CDKL5: variants seen among roughly 807,000 people sequenced by gnomAD.
The protein encoded by CDKL5 is cyclin-dependent kinase-like 5.
CDKL5 carries 8 observed loss-of-function variants against 61.7 expected under a neutral mutation model. The observed-to-expected ratio is 0.13, with a 90% confidence interval of 0.08 to 0.23. CDKL5 has a LOEUF of 0.23. CDKL5 is among the 10% of genes least tolerant of loss of function. The pLI, the probability that CDKL5 is intolerant of heterozygous loss-of-function variation, is 1.00. For synonymous variants in CDKL5, 275 were observed against 272.3 expected, an observed-to-expected ratio of 1.01 and a Z score of -0.10; for missense variants, 440 against 734.5, an observed-to-expected ratio of 0.60 and a Z score of 4.63.
At chrX:18,489,361 A>G (rs889162958) in intron 1 of CDKL5, among the ~76,000 whole-genome samples, 1 of 110,117 alleles carries the variant, frequency 9.1e-6, no homozygotes, top group Non-Finnish European at 1.9e-5. Flanking sequence ...GGGTTTCTCC[A>G]TGTTGGCCAC....
intron 8 of CDKL5, 56 bp downstream of exon 8, chrX:18,584,409 A>G (rs769293256): frequency 3.3e-5 from 26 of 788,160 alleles, no homozygotes; most frequent in Non-Finnish European, 3.1e-5. Context: ...TTCTATTGTC[A>G]TTTGCTTTGA....
intron 1 of CDKL5, among the ~76,000 whole-genome samples, chrX:18,444,878 T>TAACCACAAACGTGTG (rs1158256057): frequency 9.0e-6 from 1 of 111,339 alleles, no homozygotes; most frequent in Non-Finnish European, 1.9e-5. Flanking sequence ...ATTTAACGAT[T>TAACCACAAACGTGTG]GTTTGCCTAT....
intron 9 of CDKL5, among the ~76,000 whole-genome samples, chrX:18,593,066 C>A (rs1489041222): frequency 8.9e-6 from 1 of 111,812 alleles, no homozygotes; most frequent in Non-Finnish European, 1.9e-5. Flanking sequence ...CAAAAGACTG[C>A]CTGATTGGAT....
At chrX:18,427,607 A>C (rs1931395300) in intron 1 of CDKL5, among the ~76,000 whole-genome samples, 1 of 111,545 alleles carries the variant, frequency 9.0e-6, no homozygotes, top group Non-Finnish European at 1.9e-5. Context: ...TAACATAGTC[A>C]ATGCAGCGAT....
chrX:18,489,583 TCCA>T (rs1921917260), intron 1 of CDKL5, among the ~76,000 whole-genome samples: 1 of 111,269 alleles, frequency 9.0e-6, no homozygotes, highest in Non-Finnish European at 1.9e-5. Flanking sequence ...TTCTATTGAT[TCCA>T]GGTCTTTAGG....
At chrX:18,444,284 C>A (rs1297830068) in intron 1 of CDKL5, among the ~76,000 whole-genome samples, 1 of 110,783 alleles carries the variant, frequency 9.0e-6, no homozygotes, top group African/African-American at 3.3e-5. Context: ...TCACATCCTT[C>A]GTGTTGTTTA....
At chrX:18,582,813 T>C (rs1227264955) in intron 7 of CDKL5, among the ~76,000 whole-genome samples, 1 of 111,649 alleles carries the variant, frequency 9.0e-6, no homozygotes, top group Non-Finnish European at 1.9e-5. Flanking sequence ...ATGACCCATT[T>C]TGTCCAGTGT....
At chrX:18,514,634 G>C (rs1468431191) in intron 3 of CDKL5, among the ~76,000 whole-genome samples, 1 of 106,230 alleles carries the variant, frequency 9.4e-6, no homozygotes, top group African/African-American at 3.4e-5. Flanking sequence ...TTGAACCTGG[G>C]AGGCGGAGGT....
intron 15 of CDKL5, among the ~76,000 whole-genome samples, chrX:18,617,685 T>C (rs961795843): frequency 2.7e-5 from 3 of 112,406 alleles, no homozygotes; most frequent in African/African-American, 9.7e-5. Context: ...TTGTTTTTCC[T>C]CTCTGACATC....
chrX:18,464,186 A>T (rs1291753249), intron 1 of CDKL5, among the ~76,000 whole-genome samples: 1 of 108,795 alleles, frequency 9.2e-6, no homozygotes, highest in Non-Finnish European at 1.9e-5. Flanking sequence ...CTGATTTCTC[A>T]TTTTTGTTTT....
chrX:18,584,457 T>C (rs1925580529), intron 8 of CDKL5, 104 bp downstream of exon 8: 1 of 581,307 alleles, frequency 1.7e-6, no homozygotes, highest in Non-Finnish European at 3.0e-6. Flanking sequence ...GTTAATTAAA[T>C]GTGTCAGTTA....
Position 18,598,743 on chromosome X carries a change from TG to T in CDKL5, c.977+131del, listed in dbSNP as rs1438406067. 5 of 635,086 alleles carry T rather than the reference TG, an allele frequency of 7.9e-6. No homozygotes were observed. The Admixed American group carries it at 1.3e-4, about 16-fold the overall frequency. 52.3% of individuals were successfully genotyped at this position (635,086 alleles called of 1,213,427 possible). A position where few individuals can be genotyped will look rare whatever the true frequency, so the allele number is the denominator to read the frequency against. On this transcript the variant is annotated intron_variant, in intron 11 of 17. Coordinates refer to ENST00000623535, the MANE Select transcript of CDKL5 (RefSeq NM_001323289.2). ...TCTTTATTCAAAAATATCTTCCTTATGCTTATTGCATGATTCAGAACCACAA... is the reference window on the plus strand; with the variant it reads ...TCTTTATTCAAAAATATCTTCCTTATCTTATTGCATGATTCAGAACCACAA...
chrX:18,510,928 G>A (rs768085119), intron 3 of CDKL5, 74 bp downstream of exon 3: 24 of 729,754 alleles, frequency 3.3e-5, no homozygotes, highest in Non-Finnish European at 4.7e-5. Flanking sequence ...TGGTCTTTGC[G>A]TGTGGGCATG....
chrX:18,475,147 C>T (rs1481656881), intron 1 of CDKL5, among the ~76,000 whole-genome samples: 6 of 109,522 alleles, frequency 5.5e-5, no homozygotes, highest in African/African-American at 9.9e-5. Flanking sequence ...TTAGTAGAGA[C>T]GGGGTTTCAC....
chrX:18,471,626 G>T (rs1323990320), intron 1 of CDKL5, among the ~76,000 whole-genome samples: 1 of 112,031 alleles, frequency 8.9e-6, no homozygotes, highest in Non-Finnish European at 1.9e-5. Context: ...CCCTACCTTG[G>T]TCTCCCAAGC....
intron 15 of CDKL5, among the ~76,000 whole-genome samples, chrX:18,617,144 G>C (rs1445959760): frequency 1.8e-5 from 2 of 111,837 alleles, no homozygotes; most frequent in Non-Finnish European, 3.8e-5. Flanking sequence ...CCTTTCTTTA[G>C]GTGAATCTTT....
intron 9 of CDKL5, among the ~76,000 whole-genome samples, chrX:18,592,224 T>C (rs1925851969): frequency 8.9e-6 from 1 of 112,153 alleles, no homozygotes; most frequent in Non-Finnish European, 1.9e-5. Flanking sequence ...ATGAAATAAT[T>C]AGAAAACAAT....
At chrX:18,576,347 C>CT (rs1177527777) in intron 5 of CDKL5, among the ~76,000 whole-genome samples, 1 of 111,983 alleles carries the variant, frequency 8.9e-6, no homozygotes, top group Non-Finnish European at 1.9e-5. Context: ...CAGATAAACA[C>CT]TTTAACAGTA....
At chrX:18,442,746 G>A (rs1369734101) in intron 1 of CDKL5, among the ~76,000 whole-genome samples, 1 of 111,389 alleles carries the variant, frequency 9.0e-6, no homozygotes, top group East Asian at 2.8e-4. Context: ...CGCCCGCCTC[G>A]GCCTCCCAAA....
Sources: allele counts gnomAD v4.1 joint callset (sites outside exome capture counted in the v4.1 genomes callset), GRCh38; gene constraint gnomAD v4.1.1; transcripts MANE v1.5; gene names NCBI Gene and HGNC (gene_info 2026-07-23, HGNC 2026-07-21).